SECISBP2L: variants seen among roughly 807,000 people sequenced by gnomAD.
SECISBP2L encodes the protein SECIS binding protein 2 like.
A neutral mutation model predicts 114.7 loss-of-function variants in SECISBP2L; 43 were observed. That is an observed-to-expected ratio of 0.38 (90% CI 0.29 to 0.48). SECISBP2L has a LOEUF of 0.48. Ranked by LOEUF, SECISBP2L falls within the 20% of genes least tolerant of loss-of-function variation. The pLI is 0.98. For missense variants in SECISBP2L, 1,136 were observed against 1,301.1 expected, an observed-to-expected ratio of 0.87 and a Z score of 1.95; for synonymous variants, 451 against 439.7, an observed-to-expected ratio of 1.03 and a Z score of -0.32.
At chr15:49,013,054 G>T (rs893629113) in intron 11 of SECISBP2L, 7 of 429,832 alleles carry the variant, frequency 1.6e-5, no homozygotes, top group Non-Finnish European at 2.5e-5. Flanking sequence ...TAAATAATTA[G>T]TTCTACTCTC....
rs191373623 is a variant in SECISBP2L, at chr15:49,042,731, G to C, written c.24+3545C>G. On this transcript the variant is annotated intron_variant, in intron 1 of 17. Coordinates refer to ENST00000559471, the MANE Select transcript of SECISBP2L (RefSeq NM_001193489.2). The stretch of plus-strand genomic sequence containing the variant: ...CTTTTTATTCTTTTTTGACCTAAGA[G>C]CTTGAAAATGTCTTTTTGGCCAGGT... 2.0e-5 allele frequency: 3 copies of C among 152,088 alleles called. No homozygotes were observed. In the South Asian group the frequency reaches 6.2e-4, roughly 32 times the overall value. 9.4% of individuals were successfully genotyped at this position (152,088 alleles called of 1,614,324 possible).
rs1443788390 is a variant in SECISBP2L at position 49,032,986 on chromosome 15, C to T, written c.643G>A (p.Val215Ile). 1 of 1,613,858 alleles carries T rather than the reference C, an allele frequency of 6.2e-7. No individual in the cohort carries two copies. Among genetic ancestry groups the T allele is most frequent in the Non-Finnish European group, 8.5e-7 (1 of 1,179,886 alleles). The part of the protein sequence containing the change: ...PDSRSKIVLL[V>I]DASQQTDFPS... ...TTACCAGTTTGCTGTGAAGCATCTACCAGAAGCACAATTTTTGATCGACTA... is the reference window on the plus strand; with the variant it reads ...TTACCAGTTTGCTGTGAAGCATCTATCAGAAGCACAATTTTTGATCGACTA... The change falls in exon 4 of 18, where the codon GTA becomes ATA. Residue 215 changes from valine to isoleucine, a missense_variant. Physicochemically the swap from Val to Ile is conservative, Grantham distance 29. Around this residue, in one of 2 missense-constraint regions of SECISBP2L, gnomAD observed 452 missense variants for 452.3 expected, o/e 1.00. Transcript: ENST00000559471.
At chr15:49,009,025 G>C (rs1172361049) in intron 14 of SECISBP2L, among the ~76,000 whole-genome samples, 191 bp downstream of exon 14, 1 of 152,130 alleles carries the variant, frequency 6.6e-6, no homozygotes, top group Non-Finnish European at 1.5e-5. Context: ...TCACTCTCAC[G>C]TGAATACTAA....
rs143509492 is a variant in SECISBP2L, at chr15:49,035,290, T to C, written c.528+44A>G. On this transcript the variant is annotated intron_variant, in intron 3 of 17. Coordinates refer to ENST00000559471, the MANE Select transcript of SECISBP2L (RefSeq NM_001193489.2). Reference sequence around the variant, plus strand: ...AAGTAGCAAATTGCTTATACTAATATAAGTAATATCAAATTTAAAAGCCAA... The same window carrying C: ...AAGTAGCAAATTGCTTATACTAATACAAGTAATATCAAATTTAAAAGCCAA... The C allele has an allele frequency of 5.8e-6, 9 of 1,554,340 alleles. No homozygotes were observed. In the African/African-American group the frequency reaches 8.2e-5, roughly 14 times the overall value.
At chr15:49,019,364 T>C (rs573145530) in intron 8 of SECISBP2L, 54 bp downstream of exon 8, 1 of 1,284,612 alleles carries the variant, frequency 7.8e-7, no homozygotes, top group East Asian at 3.1e-5. Context: ...CAAATTAATT[T>C]CTTAATGGGA....
chr15:49,012,621 T>A, intron 12 of SECISBP2L, 27 bp downstream of exon 12: 1 of 1,605,332 alleles, frequency 6.2e-7, no homozygotes, highest in Non-Finnish European at 8.5e-7. Flanking sequence ...TCCTATAAAA[T>A]AAATATCCCA....
chr15:48,998,008 A>G (rs964588267), intron 16 of SECISBP2L, among the ~76,000 whole-genome samples: 3 of 152,234 alleles, frequency 2.0e-5, no homozygotes, highest in African/African-American at 7.2e-5. Context: ...TTATGCCATA[A>G]TTCTATAGCA....
At chr15:48,993,003 A>AG in intron 17 of SECISBP2L, 77 bp from the exon 18 acceptor site, 1 of 1,215,702 alleles carries the variant, frequency 8.2e-7, no homozygotes. Context: ...ACCCCCAAAA[A>AG]AGAAAGAACA....
chr15:49,008,750 G>C (rs1308229654), intron 14 of SECISBP2L, among the ~76,000 whole-genome samples: 1 of 152,122 alleles, frequency 6.6e-6, no homozygotes, highest in Non-Finnish European at 1.5e-5. Context: ...CATATTCTGT[G>C]ATCCCCCCAG....
rs1903037772 is a variant in SECISBP2L, at chr15:49,037,592, T to G, written c.202A>C (p.Arg68=). ...AGAAAATAAAAATAAACAAATTACCTATTGGACTGGTTTTCCTGCACAAAT... is the reference window on the plus strand; with the variant it reads ...AGAAAATAAAAATAAACAAATTACCGATTGGACTGGTTTTCCTGCACAAAT... ...YPFVQENQSN[R]QFPLYNNDIR... The change falls in exon 2 of 18, where the codon AGA becomes CGA. Residue 68 remains arginine, a splice_region_variant and synonymous_variant. Coordinates refer to ENST00000559471, the MANE Select transcript of SECISBP2L (RefSeq NM_001193489.2). 1 of 1,612,526 alleles carries G rather than the reference T, an allele frequency of 6.2e-7. No individual in the cohort carries two copies. The highest frequency in any genetic ancestry group is 1.7e-5 in the Admixed American group (1 of 59,890).
chr15:49,041,098 T>C (rs1031421704), intron 1 of SECISBP2L, among the ~76,000 whole-genome samples: 6 of 152,204 alleles, frequency 3.9e-5, no homozygotes, highest in Non-Finnish European at 7.4e-5. Context: ...TAGCAGAGAG[T>C]TGTCTTCATA....
At chr15:49,005,028 T>C (rs993469546) in intron 14 of SECISBP2L, among the ~76,000 whole-genome samples, 1 of 152,068 alleles carries the variant, frequency 6.6e-6, no homozygotes, top group African/African-American at 2.4e-5. Flanking sequence ...GACAGTGGGG[T>C]GTTAAAGTCT....
At chr15:49,026,085 A>G (rs1902735181) in intron 7 of SECISBP2L, among the ~76,000 whole-genome samples, 1 of 152,238 alleles carries the variant, frequency 6.6e-6, no homozygotes, top group South Asian at 2.1e-4. Context: ...AACATGGATG[A>G]GCCTAGAGGA....
At position 48,990,030 on chromosome 15, in the gene SECISBP2L, G is replaced by A. The variant is rs968788901; in HGVS notation, c.*2214C>T. 1 of 152,658 alleles carries A rather than the reference G, an allele frequency of 6.6e-6. No homozygotes were observed. The highest frequency in any genetic ancestry group is 2.4e-5 in the African/African-American group (1 of 41,458). 9.5% of individuals were successfully genotyped at this position (152,658 alleles called of 1,614,324 possible). On this transcript the variant is annotated 3_prime_UTR_variant, in exon 18 of 18. Transcript: ENST00000559471. ...TGGTCCCTTGGATTTGCTGGCAGAA[G>A]AGGTACTGCATATGCGAGAGCATTT...
intron 16 of SECISBP2L, among the ~76,000 whole-genome samples, chr15:48,997,926 C>T (rs960504865): frequency 2.6e-5 from 4 of 152,092 alleles, no homozygotes; most frequent in African/African-American, 9.7e-5. Flanking sequence ...ACTTCAATAA[C>T]CATGATACCG....
At chr15:49,024,511 AAAAG>A (rs1902703230) in intron 7 of SECISBP2L, among the ~76,000 whole-genome samples, 1 of 151,714 alleles carries the variant, frequency 6.6e-6, no homozygotes, top group South Asian at 2.1e-4. Flanking sequence ...AAAAAAAAAA[AAAAG>A]AAAGAAATCA....
chr15:49,035,559 A>C lies in SECISBP2L; in HGVS notation c.303T>G (p.Pro101=). Residue 101 remains proline (P), a synonymous_variant, in exon 3 of 18, where the codon CCT becomes CCG. Transcript: ENST00000559471. ...GATAATATGTATACTCTGTAGAAAC[A>C]GGCGGCTGAGCAGATATAATGGGAT... ...FAYPIISAQP[P]VSTEYTYYQL... is the part of the protein sequence containing the mutation. 1 of 1,614,236 alleles carries C rather than the reference A, an allele frequency of 6.2e-7. No homozygotes were observed. Among genetic ancestry groups the C allele is most frequent in the East Asian group, 2.2e-5 (1 of 44,894 alleles).
chr15:49,029,208 T>C (rs1023862188), intron 4 of SECISBP2L, among the ~76,000 whole-genome samples: 2 of 152,170 alleles, frequency 1.3e-5, no homozygotes, highest in Non-Finnish European at 2.9e-5. Flanking sequence ...ATCACTAAAA[T>C]ACTAAAACCA....
chr15:49,031,379 A>G (rs1902886587), intron 4 of SECISBP2L, among the ~76,000 whole-genome samples: 1 of 152,060 alleles, frequency 6.6e-6, no homozygotes, highest in Non-Finnish European at 1.5e-5. Flanking sequence ...TATACATCCC[A>G]TATGTCTTCT....
Sources: allele counts gnomAD v4.1 joint callset (sites outside exome capture counted in the v4.1 genomes callset), GRCh38; gene constraint gnomAD v4.1.1; regional missense constraint gnomAD v4.1.1; transcripts MANE v1.5; gene names NCBI Gene and HGNC (gene_info 2026-07-23, HGNC 2026-07-21).